The following NCOA7 variants were observed in gnomAD, a reference collection of about 807,000 sequenced individuals.
NCOA7 encodes the protein nuclear receptor coactivator 7, also known as 140 kDa estrogen receptor-associated protein.
NCOA7 carries 45 observed loss-of-function variants against 104.3 expected under a neutral mutation model. That is an observed-to-expected ratio of 0.43 (90% confidence interval 0.34 to 0.55). NCOA7 has a LOEUF of 0.55. NCOA7 is among the 20% of genes least tolerant of loss of function. The probability of loss-of-function intolerance (pLI) is 0.02; values close to 1 mark genes in which losing one functional copy is unlikely to be tolerated. For missense variants in NCOA7, 1,041 were observed against 1,119.7 expected, an observed-to-expected ratio of 0.93 and a Z score of 1.00; for synonymous variants, 398 against 402.3, an observed-to-expected ratio of 0.99 and a Z score of 0.13.
chr6:125,851,539 G>A (rs1394817706), intron 2 of NCOA7, among the ~76,000 whole-genome samples: 1 of 152,204 alleles, frequency 6.6e-6, no homozygotes, highest in Non-Finnish European at 1.5e-5. Flanking sequence ...TTGCAATTGT[G>A]AATTGTGCTG....
At chr6:125,873,016 T>C (rs2128637773) in intron 3 of NCOA7, among the ~76,000 whole-genome samples, 1 of 152,350 alleles carries the variant, frequency 6.6e-6, no homozygotes, top group Admixed American at 6.5e-5. Context: ...AATTTTTAAA[T>C]AATTTAAAGG....
intron 15 of NCOA7, 56 bp from the exon 16 acceptor site, chr6:125,928,580 T>G (rs1248450398): frequency 6.4e-7 from 1 of 1,551,866 alleles, no homozygotes; most frequent in Non-Finnish European, 8.7e-7. Flanking sequence ...GAGAGAATAG[T>G]GTGTCATGTA....
rs767283401 is a variant in NCOA7, at chr6:125,922,670, T to A, written c.2371-12T>A. The A allele has an allele frequency of 9.9e-6, 16 of 1,609,574 alleles. No homozygotes were observed. The highest frequency in any genetic ancestry group is 1.4e-5 in the Non-Finnish European group (16 of 1,178,532). On this transcript the variant is annotated splice_polypyrimidine_tract_variant and intron_variant, in intron 12 of 15. Transcript: ENST00000392477. ...GAACCTTCTGTTTACATCTCTTCCT[T>A]TGGCTTTGTAGCTGGCCCGACGCCT...
Position 125,896,754 on chromosome 6 carries a change from C to T in NCOA7, c.2096+5944C>T, listed in dbSNP as rs189949557. Among the ~76,000 whole-genome samples the T allele has an allele frequency of 4.9e-3, 738 of 152,124 alleles. 3 individuals carry two copies. Among genetic ancestry groups the T allele is most frequent in the Middle Eastern group, 0.014 (4 of 294 alleles). On this transcript the variant is annotated intron_variant, in intron 10 of 15. Coordinates refer to ENST00000392477, the MANE Select transcript of NCOA7 (RefSeq NM_181782.5). Reference sequence around the variant, plus strand: ...CTGCAGTGAGCTAAAATCACGCCTCCGCACTCCAACCTTGACAAAAGAGCA... The same window carrying T: ...CTGCAGTGAGCTAAAATCACGCCTCTGCACTCCAACCTTGACAAAAGAGCA...
In NCOA7 at chr6:125,929,894, T is replaced by A. The variant is rs138860339; in HGVS notation, c.*1123T>A. ...GGGACTCAGTATATTAATTTCTGCA[T>A]TTTTTAAATCAAATGAAAAACGTCA... On this transcript the variant is annotated 3_prime_UTR_variant, in exon 16 of 16. Transcript: ENST00000392477. 6.6e-6 allele frequency: 1 copy of A among 152,262 alleles called. No homozygotes were observed. Among genetic ancestry groups the A allele is most frequent in the East Asian group, 1.9e-4 (1 of 5,190 alleles). The allele number at this position is 152,262 out of a possible 1,614,324, so 9.4% of individuals were successfully genotyped here.
chr6:125,816,417 A>G (rs1777595143), intron 2 of NCOA7, among the ~76,000 whole-genome samples: 1 of 152,204 alleles, frequency 6.6e-6, no homozygotes, highest in Non-Finnish European at 1.5e-5. Context: ...TGTCCATTTC[A>G]TGCAGCATAA....
intron 7 of NCOA7, 90 bp from the exon 8 acceptor site, chr6:125,885,069 G>C: frequency 7.6e-7 from 1 of 1,321,398 alleles, no homozygotes; most frequent in Non-Finnish European, 1.1e-6. Context: ...AAAGTCCATG[G>C]AGTGGCCATC....
chr6:125,881,218 C>G lies in NCOA7; in HGVS notation c.573+15C>G, dbSNP rs745662945. 7.3e-6 allele frequency: 11 copies of G among 1,512,246 alleles called. No homozygotes were observed. The highest frequency in any genetic ancestry group is 9.2e-7 in the Non-Finnish European group (1 of 1,088,532). 93.7% of individuals were successfully genotyped at this position (1,512,246 alleles called of 1,614,324 possible). A position where few individuals can be genotyped will look rare whatever the true frequency, so the allele number is the denominator to read the frequency against. ...ATAAATTGCCTGTATGTATATTATGCACTGAAGTTCATTTTTATTAAAGAG... is the reference window on the plus strand; with the variant it reads ...ATAAATTGCCTGTATGTATATTATGGACTGAAGTTCATTTTTATTAAAGAG... On this transcript the variant is annotated intron_variant, in intron 6 of 15. Transcript: ENST00000392477.
At chr6:125,806,909 C>T (rs900784585) in intron 1 of NCOA7, among the ~76,000 whole-genome samples, 1 of 151,976 alleles carries the variant, frequency 6.6e-6, no homozygotes, top group African/African-American at 2.4e-5. Context: ...TTATGAAGGG[C>T]GTATAATAAA....
chr6:125,926,986 G>A (rs1788089154), intron 13 of NCOA7, among the ~76,000 whole-genome samples: 1 of 151,962 alleles, frequency 6.6e-6, no homozygotes, highest in Non-Finnish European at 1.5e-5. Context: ...TCCATCCCCC[G>A]ATAAGAAAAA....
intron 4 of NCOA7, among the ~76,000 whole-genome samples, chr6:125,876,529 C>T (rs1179611167): frequency 2.6e-5 from 4 of 151,498 alleles, no homozygotes; most frequent in African/African-American, 9.7e-5. Flanking sequence ...TTCACATGCT[C>T]CTCCAAAGAA....
intron 1 of NCOA7, among the ~76,000 whole-genome samples, chr6:125,798,921 A>G (rs1775602220): frequency 6.6e-6 from 1 of 152,074 alleles, no homozygotes; most frequent in Admixed American, 6.6e-5. Context: ...CTAATATTTC[A>G]CTTCCTCAAA....
chr6:125,896,618 C>T (rs1029385063), intron 10 of NCOA7, among the ~76,000 whole-genome samples: 6 of 152,042 alleles, frequency 3.9e-5, no homozygotes, highest in African/African-American at 1.4e-4. Flanking sequence ...ATGGTGAAAT[C>T]ACATCTCTAC....
intron 7 of NCOA7, among the ~76,000 whole-genome samples, chr6:125,884,464 T>C (rs1347562546): frequency 6.6e-6 from 1 of 152,230 alleles, no homozygotes; most frequent in Non-Finnish European, 1.5e-5. Flanking sequence ...AAGTTATCTG[T>C]ATCCTGCTGT....
intron 10 of NCOA7, among the ~76,000 whole-genome samples, chr6:125,898,530 G>A (rs767649273): frequency 3.7e-4 from 57 of 152,188 alleles, no homozygotes; most frequent in Non-Finnish European, 6.2e-4. Context: ...TACTCTGATT[G>A]TGAATGTAGT....
chr6:125,910,874 A>G (rs1180844514), intron 10 of NCOA7, among the ~76,000 whole-genome samples: 2 of 152,238 alleles, frequency 1.3e-5, no homozygotes, highest in Non-Finnish European at 2.9e-5. Context: ...ATAAAGAATG[A>G]GGGAGCTGTC....
chr6:125,889,261 T>A lies in NCOA7; in HGVS notation c.1207T>A (p.Ser403Thr). ...EPSDTSSAFE[S>T]TAKENFLGED... is the part of the protein sequence containing the mutation. ...TTCCGACACTTCTTCTGCATTTGAA[T>A]CTACAGCCAAAGAAAACTTTCTAGG... The change falls in exon 9 of 16, where the codon TCT becomes ACT. Residue 403 changes from serine to threonine, a missense_variant. This residue lies in a region of NCOA7 where 914 missense variants were observed against 942.7 expected (regional missense o/e 0.97). Transcript: ENST00000392477. 2.5e-6 allele frequency: 4 copies of A among 1,614,020 alleles called. No individual in the cohort carries two copies. The highest frequency in any genetic ancestry group is 3.4e-6 in the Non-Finnish European group (4 of 1,179,996).
At chr6:125,785,211 G>T (rs1015264127) in intron 1 of NCOA7, among the ~76,000 whole-genome samples, 7 of 152,232 alleles carry the variant, frequency 4.6e-5, no homozygotes, top group African/African-American at 4.8e-5. Context: ...GGTGGTGGGC[G>T]CCTGTAATCG....
chr6:125,885,748 A>G (rs1295029673), intron 8 of NCOA7, among the ~76,000 whole-genome samples: 1 of 152,192 alleles, frequency 6.6e-6, no homozygotes. Flanking sequence ...TTTAACTTCT[A>G]GGAAAAGCAG....
Sources: gnomAD v4.1 joint callset for allele counts (sites outside exome capture counted in the v4.1 genomes callset) on GRCh38, gnomAD v4.1.1 for gene constraint, gnomAD v4.1.1 regional missense constraint, MANE v1.5 for transcripts, NCBI Gene and HGNC (gene_info 2026-07-23, HGNC 2026-07-21) for gene names.